Variants in MAP3K7CL observed in about 807,000 individuals in gnomAD.
MAP3K7CL encodes the protein MAP3K7 C-terminal-like protein.
MAP3K7CL carries 16 observed loss-of-function variants against 18.6 expected under a neutral mutation model. That is an observed-to-expected ratio of 0.86 (90% confidence interval 0.58 to 1.31). The LOEUF (loss-of-function observed/expected upper bound fraction) is 1.31. Among genes scored for constraint, MAP3K7CL ranks in the 50% most tolerant of loss-of-function variants. The probability of loss-of-function intolerance (pLI) is 0.00; values close to 1 mark genes in which losing one functional copy is unlikely to be tolerated. For synonymous variants in MAP3K7CL, 65 were observed against 66.8 expected (o/e 0.97, Z 0.13); for missense variants, 163 against 174.4 (o/e 0.93, Z 0.37).
intron 4 of MAP3K7CL, among the ~76,000 whole-genome samples, chr21:29,094,048 C>G (rs2086077289): frequency 6.6e-6 from 1 of 152,204 alleles, no homozygotes; most frequent in Admixed American, 6.5e-5. Flanking sequence ...ATATGTTATG[C>G]TTTAGGCTTG....
chr21:29,106,271 C>T (rs1047983797), intron 4 of MAP3K7CL, among the ~76,000 whole-genome samples: 1 of 152,120 alleles, frequency 6.6e-6, no homozygotes, highest in Admixed American at 6.5e-5. Flanking sequence ...ACCACAACCT[C>T]TGCCTCCCGG....
intron 4 of MAP3K7CL, among the ~76,000 whole-genome samples, chr21:29,171,964 A>T (rs978359743): frequency 6.6e-5 from 10 of 151,098 alleles, no homozygotes; most frequent in Non-Finnish European, 3.0e-5. Flanking sequence ...ACATATGTGT[A>T]TGTATATATG....
At chr21:29,098,555 G>A (rs2086164183) in intron 4 of MAP3K7CL, among the ~76,000 whole-genome samples, 1 of 152,186 alleles carries the variant, frequency 6.6e-6, no homozygotes, top group Non-Finnish European at 1.5e-5. Context: ...GTGCCACTGT[G>A]CACCGTTCTT....
At chr21:29,084,120 T>C (rs1260076175), upstream of MAP3K7CL, among the ~76,000 whole-genome samples, 2 of 150,086 alleles carry the variant, frequency 1.3e-5, no homozygotes, top group Non-Finnish European at 3.0e-5. Context: ...AATTCACAGA[T>C]GGTTTGGGGT....
At chr21:29,079,260 G>A (rs945266813) in intron 1 of MAP3K7CL, among the ~76,000 whole-genome samples, 2 of 152,168 alleles carry the variant, frequency 1.3e-5, no homozygotes, top group East Asian at 3.9e-4. Context: ...GTTCCAGGTG[G>A]ATCACAAGGC....
At chr21:29,168,109 C>T (rs1406220508) in intron 4 of MAP3K7CL, among the ~76,000 whole-genome samples, 1 of 152,094 alleles carries the variant, frequency 6.6e-6, no homozygotes, top group Middle Eastern at 3.2e-3. Flanking sequence ...TTTTATATAC[C>T]TAAGATATTT....
chr21:29,085,741 A>T, upstream of MAP3K7CL: 1 of 920,518 alleles, frequency 1.1e-6, no homozygotes, highest in Non-Finnish European at 1.8e-6. Flanking sequence ...TGCCAACGGC[A>T]TGGTTAGTAT....
At chr21:29,163,737 C>T (rs1226592358) in intron 4 of MAP3K7CL, among the ~76,000 whole-genome samples, 1 of 150,414 alleles carries the variant, frequency 6.6e-6, no homozygotes, top group African/African-American at 2.5e-5. Flanking sequence ...GCCCTGTCAC[C>T]CAGGCTGGAG....
chr21:29,086,983 T>C (rs2085936157), intron 1 of MAP3K7CL, among the ~76,000 whole-genome samples: 1 of 152,146 alleles, frequency 6.6e-6, no homozygotes, highest in African/African-American at 2.4e-5. Context: ...AAAACCAAAC[T>C]CTAAACCAGT....
At chr21:29,087,777 T>C (rs2085952488) in intron 1 of MAP3K7CL, among the ~76,000 whole-genome samples, 1 of 151,960 alleles carries the variant, frequency 6.6e-6, no homozygotes, top group Non-Finnish European at 1.5e-5. Context: ...GTATTTTTAG[T>C]AGAGACGGGG....
At chr21:29,104,190 G>A (rs1470852241) in intron 4 of MAP3K7CL, among the ~76,000 whole-genome samples, 1 of 151,968 alleles carries the variant, frequency 6.6e-6, no homozygotes, top group Non-Finnish European at 1.5e-5. Context: ...CTGCTCAAAG[G>A]GTGGTCCTTG....
At chr21:29,164,938 A>AT (rs1292753191) in intron 4 of MAP3K7CL, among the ~76,000 whole-genome samples, 2 of 152,028 alleles carry the variant, frequency 1.3e-5, no homozygotes, top group Admixed American at 1.3e-4. Context: ...GTATAACATG[A>AT]TTTTTTCCGT....
intron 4 of MAP3K7CL, among the ~76,000 whole-genome samples, chr21:29,162,408 G>T (rs762773092): frequency 6.6e-6 from 1 of 151,356 alleles, no homozygotes; most frequent in East Asian, 1.9e-4. Flanking sequence ...GGGGCCAGAC[G>T]CAGTGTCTCA....
chr21:29,090,634 C>T (rs1040522374), intron 1 of MAP3K7CL, among the ~76,000 whole-genome samples: 5 of 152,158 alleles, frequency 3.3e-5, no homozygotes, highest in Admixed American at 6.5e-5. Context: ...CTGCCTTGGC[C>T]TCCCAAAGTG....
rs181459987 is a variant in MAP3K7CL at position 29,174,440 on chromosome 21, T to A, written c.249-272T>A. Among the ~76,000 whole-genome samples, 394 of 152,354 alleles carry A rather than the reference T, an allele frequency of 2.6e-3. 2 individuals are homozygous for A. Among genetic ancestry groups the A allele is most frequent in the African/African-American group, 8.1e-3 (338 of 41,578 alleles). On this transcript the variant is annotated intron_variant, in intron 4 of 4. Coordinates refer to ENST00000399928, the MANE Select transcript of MAP3K7CL (RefSeq NM_001286620.2). ...AAATTATTTTTACAATTTTCTGTAT[T>A]TTTAAAATGATCATGTTTTTGACTA...
At chr21:29,117,115 T>A (rs538254313) in intron 4 of MAP3K7CL, among the ~76,000 whole-genome samples, 1 of 152,226 alleles carries the variant, frequency 6.6e-6, no homozygotes, top group Non-Finnish European at 1.5e-5. Flanking sequence ...ATATATTTCT[T>A]CTATTTGACA....
chr21:29,104,301 A>T (rs1034557982), intron 4 of MAP3K7CL, among the ~76,000 whole-genome samples: 1 of 151,120 alleles, frequency 6.6e-6, no homozygotes, highest in Non-Finnish European at 1.5e-5. Flanking sequence ...ACTATTCTTC[A>T]TTTCTCCTCT....
At position 29,109,282 on chromosome 21, in the gene MAP3K7CL, G is replaced by A; in HGVS notation, c.370+16701G>A. 2.0e-6 allele frequency: 3 copies of A among 1,505,366 alleles called. No individual in the cohort carries two copies. In the South Asian group the frequency reaches 3.8e-5, roughly 19 times the overall value. 93.3% of individuals were successfully genotyped at this position (1,505,366 alleles called of 1,614,324 possible). A position where few individuals can be genotyped will look rare whatever the true frequency, so the allele number is the denominator to read the frequency against. ...ACCAGATAGTGCATGTGTGTGTAAT[G>A]CTTATTTTGTGCCCATTTAATTAAT... On this transcript the variant is annotated intron_variant, in intron 4 of 6. Transcript: ENST00000286791.
At chr21:29,077,167 C>A (rs1301824383), upstream of MAP3K7CL, among the ~76,000 whole-genome samples, 1 of 152,258 alleles carries the variant, frequency 6.6e-6, no homozygotes, top group East Asian at 1.9e-4. Context: ...ACAGGTGGAG[C>A]TGCTTGCCAG....
Sources: allele counts gnomAD v4.1 joint callset (sites outside exome capture counted in the v4.1 genomes callset), GRCh38; gene constraint gnomAD v4.1.1; transcripts MANE v1.5; gene names NCBI Gene and HGNC (gene_info 2026-07-23, HGNC 2026-07-21).